The following UBXN8 variants were observed in gnomAD, a reference collection of about 807,000 sequenced individuals.
UBXN8 encodes UBX domain-containing protein 8.
A neutral mutation model predicts 32.1 loss-of-function variants in UBXN8; 27 were observed. That is an observed-to-expected ratio of 0.84 (90% confidence interval 0.62 to 1.16). UBXN8 has a LOEUF of 1.16. Ranked by LOEUF, UBXN8 falls within the 50% of genes most tolerant of loss-of-function variation. The pLI, the probability that UBXN8 is intolerant of heterozygous loss-of-function variation, is 0.00. For missense variants in UBXN8, 306 were observed against 311.4 expected (o/e 0.98, Z 0.13); for synonymous variants, 109 against 111.8 (o/e 0.98, Z 0.16).
chr8:30,743,417 G>A (rs1334426801), upstream of UBXN8, among the ~76,000 whole-genome samples: 3 of 152,046 alleles, frequency 2.0e-5, no homozygotes, highest in Non-Finnish European at 4.4e-5. Context: ...GCCTCCCAAA[G>A]TGCTGAGATT....
chr8:30,741,701 C>T (rs953317555), upstream of UBXN8, among the ~76,000 whole-genome samples: 1 of 152,090 alleles, frequency 6.6e-6, no homozygotes, highest in East Asian at 1.9e-4. Context: ...CCACCCACCT[C>T]GGCTTCCCAA....
Position 30,756,887 on chromosome 8 carries a change from G to A in UBXN8, c.528G>A (p.Glu176=). The A allele has an allele frequency of 1.2e-6, 2 of 1,613,888 alleles. No individual in the cohort carries two copies. Among genetic ancestry groups the A allele is most frequent in the Non-Finnish European group, 1.7e-6 (2 of 1,179,838 alleles). The part of the protein sequence containing the change: ...PSPAEQPTCK[E]IPDLPEEPSQ... ...CTGCTGAACAGCCCACATGCAAGGAGGTAAAGTACTTCATGCCTCTCATTG... is the reference window on the plus strand; with the variant it reads ...CTGCTGAACAGCCCACATGCAAGGAAGTAAAGTACTTCATGCCTCTCATTG... Residue 176 remains glutamate (E), a splice_region_variant and synonymous_variant, in exon 5 of 8, where the codon GAG becomes GAA. Transcript: ENST00000265616.
chr8:30,742,145 G>A (rs1805218375), upstream of UBXN8, among the ~76,000 whole-genome samples: 1 of 152,048 alleles, frequency 6.6e-6, no homozygotes, highest in African/African-American at 2.4e-5. Context: ...ACAAGATACA[G>A]ACAACTATGG....
At chr8:30,744,484 G>C (rs1805308486) in intron 1 of UBXN8, 1 of 609,052 alleles carries the variant, frequency 1.6e-6, no homozygotes. Context: ...ACGTGTAAGA[G>C]GGTAGAGGCA....
chr8:30,734,482 T>C (rs979323518), intron 1 of UBXN8, among the ~76,000 whole-genome samples: 2 of 151,904 alleles, frequency 1.3e-5, no homozygotes, highest in South Asian at 4.2e-4. Flanking sequence ...TAGCTGGGTG[T>C]GGTGGGATAC....
At chr8:30,762,416 C>CT (rs1364178463) in intron 6 of UBXN8, among the ~76,000 whole-genome samples, 3 of 151,870 alleles carry the variant, frequency 2.0e-5, no homozygotes, top group African/African-American at 7.3e-5. Context: ...GTTTTTGAGA[C>CT]TGAGTCTCAC....
At chr8:30,752,986 A>G (rs1336246593) in intron 2 of UBXN8, 49 bp from the exon 3 acceptor site, 4 of 1,475,864 alleles carry the variant, frequency 2.7e-6, no homozygotes, top group South Asian at 1.4e-5. Flanking sequence ...TTGTACTTCA[A>G]ATAAGATACT....
rs535429797 is a variant in UBXN8, at chr8:30,759,911, C to T, written c.529-977C>T. Among the ~76,000 whole-genome samples, 102 of 151,082 alleles carry T rather than the reference C, an allele frequency of 6.8e-4. 1 individual carries two copies. The East Asian group carries it at 0.018, about 27-fold the overall frequency. ...GGCAGAGCTTGCAGTGAGCCAAGAT[C>T]GCGCCACTGCACTCCAGCCTGGGCG... On this transcript the variant is annotated intron_variant, in intron 5 of 7. Coordinates refer to ENST00000265616, the MANE Select transcript of UBXN8 (RefSeq NM_005671.4).
upstream of UBXN8, among the ~76,000 whole-genome samples, chr8:30,741,633 G>A (rs184256704): frequency 9.2e-4 from 139 of 151,840 alleles, no homozygotes; most frequent in African/African-American, 3.2e-3. Flanking sequence ...TGTATTTTTC[G>A]TAGAGACAGG....
intron 1 of UBXN8, among the ~76,000 whole-genome samples, chr8:30,748,468 GA>G (rs538718073): frequency 0.039 from 3,520 of 90,380 alleles, 66 homozygotes; most frequent in Admixed American, 0.045. Flanking sequence ...CCATCTGAAA[GA>G]AAAAAAAAAA....
chr8:30,729,577 G>A (rs1388629141), upstream of UBXN8, among the ~76,000 whole-genome samples: 1 of 152,230 alleles, frequency 6.6e-6, no homozygotes, highest in Non-Finnish European at 1.5e-5. Flanking sequence ...CCCATTCTTT[G>A]TTTTGTGGTG....
Position 30,751,415 on chromosome 8 carries a change from G to A in UBXN8, c.108G>A (p.Leu36=). 6.3e-7 allele frequency: 1 copy of A among 1,591,592 alleles called. No homozygotes were observed. The highest frequency in any genetic ancestry group is 8.6e-7 in the Non-Finnish European group (1 of 1,168,114). Residue 36 remains leucine, a synonymous_variant, in exon 2 of 8, where the codon TTG becomes TTA. Transcript: ENST00000265616. ...TATCAGGAATCAAGGATTTTCTTTT[G>A]CTTTGTGGCCGGATTTTGCTACTGC... ...IPDIGIKDFL[L]LCGRILLLLA... is the part of the protein sequence containing the mutation.
At chr8:30,752,934 A>G (rs1805552420) in intron 2 of UBXN8, 101 bp from the exon 3 acceptor site, 1 of 1,331,978 alleles carries the variant, frequency 7.5e-7, no homozygotes, top group Non-Finnish European at 9.9e-7. Flanking sequence ...CCCATCATAG[A>G]CTTTAGATTT....
At chr8:30,730,199 CAA>C (rs1256360288), upstream of UBXN8, among the ~76,000 whole-genome samples, 1 of 152,128 alleles carries the variant, frequency 6.6e-6, no homozygotes, top group Admixed American at 6.6e-5. Flanking sequence ...GTTTAAGACC[CAA>C]AACGGGGATA....
chr8:30,760,863 T>TC, intron 5 of UBXN8, 25 bp from the exon 6 acceptor site: 1 of 1,491,802 alleles, frequency 6.7e-7, no homozygotes, highest in Non-Finnish European at 9.1e-7. Context: ...ATGTTTACAT[T>TC]CCTCTTACCA....
intron 6 of UBXN8, among the ~76,000 whole-genome samples, chr8:30,762,491 C>G (rs1308262304): frequency 6.6e-6 from 1 of 152,180 alleles, no homozygotes; most frequent in African/African-American, 2.4e-5. Flanking sequence ...CTTCCGGGTT[C>G]AAGCCATTCT....
intron 1 of UBXN8, among the ~76,000 whole-genome samples, chr8:30,748,450 G>A (rs1269870570): frequency 1.3e-5 from 2 of 150,088 alleles, no homozygotes; most frequent in Admixed American, 1.3e-4. Context: ...GGGCAAGAGA[G>A]TGAGAGGCCA....
At chr8:30,758,620 T>A (rs901074340) in intron 5 of UBXN8, among the ~76,000 whole-genome samples, 4 of 152,220 alleles carry the variant, frequency 2.6e-5, no homozygotes, top group African/African-American at 9.6e-5. Flanking sequence ...ATCAGATTAT[T>A]GAACTATCAC....
chr8:30,762,061 C>CTTTTT (rs11393072), intron 6 of UBXN8, among the ~76,000 whole-genome samples: 1 of 135,444 alleles, frequency 7.4e-6, no homozygotes, highest in Non-Finnish European at 1.5e-5. Flanking sequence ...CCTTGGAAAC[C>CTTTTT]TTTTTTTTTT....
Sources: allele counts gnomAD v4.1 joint callset (sites outside exome capture counted in the v4.1 genomes callset), GRCh38; gene constraint gnomAD v4.1.1; transcripts MANE v1.5; gene names NCBI Gene and HGNC (gene_info 2026-07-23, HGNC 2026-07-21).